ZFPM2: variants seen among roughly 807,000 people sequenced by gnomAD.
The protein encoded by ZFPM2 is zinc finger protein ZFPM2.
ZFPM2 carries 20 observed loss-of-function variants against 98.6 expected under a neutral mutation model. The observed-to-expected ratio is 0.20, with a 90% CI of 0.14 to 0.29. The LOEUF is 0.29. ZFPM2 is among the 10% of genes least tolerant of loss of function. The pLI, the probability that ZFPM2 is intolerant of heterozygous loss-of-function variation, is 1.00. For missense variants in ZFPM2, 1,310 were observed against 1,388.6 expected (o/e 0.94, Z 0.90); for synonymous variants, 518 against 502.7 (o/e 1.03, Z -0.41).
At chr8:105,531,837 A>T (rs560945760) in intron 3 of ZFPM2, among the ~76,000 whole-genome samples, 2 of 152,268 alleles carry the variant, frequency 1.3e-5, no homozygotes, top group Admixed American at 6.5e-5. Flanking sequence ...GAAACAAAGA[A>T]CTTTTCTGCT....
chr8:105,484,219 ATATTC>A (rs1813183595), intron 3 of ZFPM2, among the ~76,000 whole-genome samples: 1 of 152,038 alleles, frequency 6.6e-6, no homozygotes, highest in Non-Finnish European at 1.5e-5. Context: ...TTTCTTCACT[ATATTC>A]TTTTCTTTTA....
intron 4 of ZFPM2, among the ~76,000 whole-genome samples, chr8:105,615,785 G>A (rs76621567): frequency 0.014 from 2,199 of 152,126 alleles, 49 homozygotes; most frequent in African/African-American, 0.049. Flanking sequence ...GGGAATTCAT[G>A]CATTTTTGAC....
At chr8:105,709,608 A>G (rs1252881202) in intron 5 of ZFPM2, among the ~76,000 whole-genome samples, 2 of 152,190 alleles carry the variant, frequency 1.3e-5, no homozygotes, top group Non-Finnish European at 2.9e-5. Context: ...AGGATCAACC[A>G]GAAATTAAAA....
intron 4 of ZFPM2, among the ~76,000 whole-genome samples, chr8:105,581,596 A>C (rs770307794): frequency 1.3e-5 from 2 of 152,210 alleles, no homozygotes; most frequent in Non-Finnish European, 2.9e-5. Context: ...AATAACCAAA[A>C]TGGATATAAT....
intron 4 of ZFPM2, among the ~76,000 whole-genome samples, chr8:105,597,530 TA>T (rs1815996860): frequency 6.6e-6 from 1 of 152,156 alleles, no homozygotes; most frequent in Admixed American, 6.6e-5. Flanking sequence ...TCTTGTTAAA[TA>T]AAAGTAGTCA....
chr8:105,398,276 CTG>C (rs1169338869), intron 1 of ZFPM2, among the ~76,000 whole-genome samples: 1 of 152,116 alleles, frequency 6.6e-6, no homozygotes, highest in Non-Finnish European at 1.5e-5. Context: ...GAACACTTCT[CTG>C]TGTCCATCAG....
chr8:105,790,610 G>GT (rs1364440432), intron 6 of ZFPM2, among the ~76,000 whole-genome samples: 1 of 152,114 alleles, frequency 6.6e-6, no homozygotes, highest in Non-Finnish European at 1.5e-5. Flanking sequence ...CTTTAAAGTA[G>GT]TTTTTTCCAA....
intron 4 of ZFPM2, among the ~76,000 whole-genome samples, chr8:105,588,617 A>G (rs916552525): frequency 6.6e-6 from 1 of 152,180 alleles, no homozygotes; most frequent in African/African-American, 2.4e-5. Flanking sequence ...TCTCAGTGGA[A>G]ATGATGATGC....
intron 4 of ZFPM2, among the ~76,000 whole-genome samples, chr8:105,599,386 G>A (rs1241783449): frequency 9.9e-6 from 1 of 100,688 alleles, no homozygotes; most frequent in Non-Finnish European, 2.2e-5. Flanking sequence ...TTTTCTTTTC[G>A]TCTTTAAAAA....
intron 3 of ZFPM2, among the ~76,000 whole-genome samples, chr8:105,539,634 G>C (rs1814534485): frequency 6.6e-6 from 1 of 152,114 alleles, no homozygotes; most frequent in Admixed American, 6.6e-5. Context: ...CAATTTACAT[G>C]CACCTTTGTG....
In ZFPM2 at chr8:105,801,281, C is replaced by T; in HGVS notation, c.1199C>T (p.Ser400Phe). The T allele has an allele frequency of 6.2e-7, 1 of 1,613,926 alleles. No individual in the cohort carries two copies. Among genetic ancestry groups the T allele is most frequent in the Non-Finnish European group, 8.5e-7 (1 of 1,179,876 alleles). ...KLPRESDMEH[S>F]PSATEDSLQP... ...CCCAGAGAAAGTGACATGGAACACT[C>T]TCCAAGTGCAACTGAAGACAGCTTA... The change falls in exon 8 of 8, where the codon TCT becomes TTT. Residue 400 changes from serine (S) to phenylalanine (F), a missense_variant. Physicochemically the swap from Ser to Phe is radical, Grantham distance 155. Coordinates refer to ENST00000407775, the MANE Select transcript of ZFPM2 (RefSeq NM_012082.4).
chr8:105,542,632 T>C (rs1814603014), intron 3 of ZFPM2, among the ~76,000 whole-genome samples: 1 of 152,194 alleles, frequency 6.6e-6, no homozygotes, highest in Non-Finnish European at 1.5e-5. Context: ...CTTCAGGGTC[T>C]ACTGTGGGAC....
chr8:105,734,152 G>A (rs549229226), intron 5 of ZFPM2, among the ~76,000 whole-genome samples: 1 of 151,774 alleles, frequency 6.6e-6, no homozygotes, highest in African/African-American at 2.4e-5. Context: ...TGTGTTTAAT[G>A]TTCACTTAAA....
At chr8:105,379,672 G>C (rs1810803549) in intron 1 of ZFPM2, among the ~76,000 whole-genome samples, 1 of 150,924 alleles carries the variant, frequency 6.6e-6, no homozygotes, top group South Asian at 2.1e-4. Flanking sequence ...AGAATTACTT[G>C]AACCCGGGAG....
intron 3 of ZFPM2, among the ~76,000 whole-genome samples, chr8:105,503,781 A>G (rs1813643020): frequency 6.6e-6 from 1 of 152,228 alleles, no homozygotes; most frequent in Admixed American, 6.5e-5. Context: ...ATTTGACTAG[A>G]AAAGGTATGT....
intron 5 of ZFPM2, among the ~76,000 whole-genome samples, chr8:105,697,071 A>T (rs989572159): frequency 3.9e-5 from 6 of 152,200 alleles, no homozygotes; most frequent in African/African-American, 1.4e-4. Flanking sequence ...TGAACACATG[A>T]TTATCTGCTA....
Position 105,368,194 on chromosome 8 carries a change from G to T in ZFPM2, c.40+49213G>T, listed in dbSNP as rs1170098883. Among the ~76,000 whole-genome samples, 4 of 145,928 alleles carry T rather than the reference G, an allele frequency of 2.7e-5. No individual in the cohort carries two copies. The South Asian group carries it at 6.8e-4, about 25-fold the overall frequency. ...ATATTGGTCTAAAATTCTCTTTTTT[G>T]GTTGTGTCTCTGCCCAGCTTTGGTA... is the stretch of plus-strand genomic sequence containing the variant. On this transcript the variant is annotated intron_variant, in intron 1 of 7. Coordinates refer to ENST00000407775, the MANE Select transcript of ZFPM2 (RefSeq NM_012082.4).
chr8:105,674,494 G>T lies in ZFPM2; in HGVS notation c.532+40137G>T, dbSNP rs3779773. The stretch of plus-strand genomic sequence containing the variant: ...GAGGAGACCAAGTCTTGTTTTTAGT[G>T]GTAAAGAGGAAATCACAATGGGTTG... On this transcript the variant is annotated intron_variant, in intron 5 of 7. Transcript: ENST00000407775. Among the ~76,000 whole-genome samples the T allele has an allele frequency of 3.9e-5, 6 of 152,134 alleles. No homozygotes were observed. In the South Asian group the frequency reaches 6.2e-4, roughly 16 times the overall value.
chr8:105,798,560 T>C, intron 6 of ZFPM2, 164 bp from the exon 7 acceptor site: 1 of 581,316 alleles, frequency 1.7e-6, no homozygotes, highest in Non-Finnish European at 3.0e-6. Flanking sequence ...TCTTTAAAAG[T>C]CGAGTCCTAT....
Sources: allele counts gnomAD v4.1 joint callset (sites outside exome capture counted in the v4.1 genomes callset), GRCh38; gene constraint gnomAD v4.1.1; transcripts MANE v1.5; gene names NCBI Gene and HGNC (gene_info 2026-07-23, HGNC 2026-07-21).